Variants in PDZD2 observed in about 807,000 individuals in gnomAD.
The protein encoded by PDZD2 is PDZ domain containing 2.
Under a neutral mutation model 220.7 loss-of-function variants are expected in PDZD2, and 90 were observed. The ratio of observed to expected loss-of-function variants is 0.41; its 90% CI spans 0.34 to 0.49. The LOEUF is 0.49. Among genes scored for constraint, PDZD2 ranks in the 20% least tolerant of loss-of-function variants. PDZD2 has a pLI of 0.28. For missense variants in PDZD2, 3,174 were observed against 3,608.5 expected, an observed-to-expected ratio of 0.88 and a Z score of 3.08; for synonymous variants, 1,375 against 1,450.5, an observed-to-expected ratio of 0.95 and a Z score of 1.18.
At chr5:31,707,160 G>A (rs1264187981) in intron 1 of PDZD2, among the ~76,000 whole-genome samples, 1 of 123,352 alleles carries the variant, frequency 8.1e-6, no homozygotes, top group Non-Finnish European at 1.7e-5. Flanking sequence ...TCATGGGGTG[G>A]GGGGAGGGGG....
intron 7 of PDZD2, among the ~76,000 whole-genome samples, chr5:32,047,809 T>C (rs909825065): frequency 7.2e-5 from 11 of 152,234 alleles, no homozygotes; most frequent in African/African-American, 2.7e-4. Flanking sequence ...GAACAGGCTA[T>C]TGGCATGCAA....
chr5:31,983,724 C>G, intron 3 of PDZD2, 68 bp downstream of exon 3: 9 of 1,468,858 alleles, frequency 6.1e-6, no homozygotes, highest in Non-Finnish European at 8.4e-6. Context: ...TTTTGCAGCC[C>G]AGCCCATGCG....
intron 1 of PDZD2, among the ~76,000 whole-genome samples, chr5:31,645,237 G>C (rs1745090560): frequency 1.3e-5 from 2 of 152,040 alleles, no homozygotes; most frequent in Non-Finnish European, 2.9e-5. Context: ...GGCGTCCATG[G>C]CATATTTGGC....
Position 31,820,088 on chromosome 5 carries a change from G to T in PDZD2, c.476+20364G>T, listed in dbSNP as rs533090243. Among the ~76,000 whole-genome samples the T allele has an allele frequency of 5.3e-5, 8 of 152,342 alleles. 1 individual carries two copies. The South Asian group carries it at 1.7e-3, about 32-fold the overall frequency. On this transcript the variant is annotated intron_variant, in intron 2 of 24. Transcript: ENST00000438447. The stretch of plus-strand genomic sequence containing the variant: ...CAATGCGGTGCCTCCCCAAGCTGGG[G>T]GCTGGGTCCGGTAATGAGGTGTAAC...
chr5:31,655,572 G>C (rs1002248793), intron 1 of PDZD2, among the ~76,000 whole-genome samples: 1 of 146,636 alleles, frequency 6.8e-6, no homozygotes, highest in African/African-American at 2.5e-5. Context: ...TTTTTTTTTA[G>C]AAGGTGGTGT....
intron 2 of PDZD2, among the ~76,000 whole-genome samples, chr5:31,846,786 C>G (rs1056505451): frequency 2.6e-5 from 4 of 152,088 alleles, no homozygotes; most frequent in African/African-American, 9.7e-5. Context: ...TGGATGTGGT[C>G]GGGGATCTTC....
chr5:31,853,893 C>T (rs1758207329), intron 2 of PDZD2, among the ~76,000 whole-genome samples: 1 of 152,158 alleles, frequency 6.6e-6, no homozygotes. Flanking sequence ...TTGGTGCCAT[C>T]AACCTCAGGA....
chr5:32,082,030 T>TG (rs974151857), intron 19 of PDZD2, among the ~76,000 whole-genome samples: 1 of 142,362 alleles, frequency 7.0e-6, no homozygotes, highest in African/African-American at 2.6e-5. Flanking sequence ...TCTTTGTTTT[T>TG]TTTTTTTTTG....
At chr5:31,709,694 G>T (rs938017630) in intron 1 of PDZD2, among the ~76,000 whole-genome samples, 1 of 152,058 alleles carries the variant, frequency 6.6e-6, no homozygotes, top group Admixed American at 6.5e-5. Context: ...GATGGCCCAC[G>T]CCTGTAATCC....
intron 3 of PDZD2, among the ~76,000 whole-genome samples, chr5:31,995,019 A>G (rs964587277): frequency 4.6e-5 from 7 of 152,142 alleles, no homozygotes; most frequent in Admixed American, 2.0e-4. Flanking sequence ...CTAGGTTCCA[A>G]CTAGTTGAAG....
At chr5:31,861,389 C>T (rs886078786) in intron 2 of PDZD2, among the ~76,000 whole-genome samples, 6 of 152,192 alleles carry the variant, frequency 3.9e-5, no homozygotes, top group African/African-American at 1.4e-4. Flanking sequence ...TGAGGCAGAC[C>T]GTGGGCTCAC....
At chr5:31,783,435 A>G (rs1253037485) in intron 1 of PDZD2, among the ~76,000 whole-genome samples, 1 of 152,162 alleles carries the variant, frequency 6.6e-6, no homozygotes, top group Admixed American at 6.5e-5. Context: ...CCAAGTTTTT[A>G]ATCACCTCCT....
chr5:31,944,763 C>A (rs1162961935), intron 2 of PDZD2, among the ~76,000 whole-genome samples: 1 of 152,204 alleles, frequency 6.6e-6, no homozygotes, highest in Non-Finnish European at 1.5e-5. Flanking sequence ...AGGTGACTCT[C>A]TCATGGTGTG....
intron 2 of PDZD2, among the ~76,000 whole-genome samples, chr5:31,875,969 T>G (rs959018811): frequency 2.6e-5 from 4 of 152,092 alleles, no homozygotes; most frequent in African/African-American, 9.7e-5. Context: ...CTATAAACAT[T>G]AAAATATTTT....
chr5:31,853,515 G>A (rs1210101580), intron 2 of PDZD2, among the ~76,000 whole-genome samples: 1 of 152,190 alleles, frequency 6.6e-6, no homozygotes, highest in Non-Finnish European at 1.5e-5. Context: ...TGGTAATGAT[G>A]ATAATTATTT....
chr5:31,726,733 C>T (rs1402393920), intron 1 of PDZD2, among the ~76,000 whole-genome samples: 1 of 152,106 alleles, frequency 6.6e-6, no homozygotes, highest in African/African-American at 2.4e-5. Flanking sequence ...GAGGCTTTGA[C>T]CTGTACACTC....
At chr5:31,921,336 G>A (rs922530519) in intron 2 of PDZD2, among the ~76,000 whole-genome samples, 4 of 152,024 alleles carry the variant, frequency 2.6e-5, no homozygotes, top group South Asian at 2.1e-4. Context: ...CTGTGGGCAC[G>A]CTGAAATTCA....
At chr5:31,688,727 C>G (rs1425450862) in intron 1 of PDZD2, among the ~76,000 whole-genome samples, 1 of 152,148 alleles carries the variant, frequency 6.6e-6, no homozygotes, top group African/African-American at 2.4e-5. Flanking sequence ...TCCTGCGTCC[C>G]CTCCCTTCCT....
At chr5:31,990,996 GGA>G (rs780312281) in intron 3 of PDZD2, among the ~76,000 whole-genome samples, 1 of 152,164 alleles carries the variant, frequency 6.6e-6, no homozygotes, top group Non-Finnish European at 1.5e-5. Context: ...ATGTTCCCAG[GGA>G]AGAACCAGCA....
Sources: allele counts gnomAD v4.1 joint callset (sites outside exome capture counted in the v4.1 genomes callset), GRCh38; gene constraint gnomAD v4.1.1; transcripts MANE v1.5; gene names NCBI Gene and HGNC (gene_info 2026-07-23, HGNC 2026-07-21).